The following AP1G1 variants were observed in gnomAD, a reference collection of about 807,000 sequenced individuals.
AP1G1 encodes AP-1 complex subunit gamma-1.
A neutral mutation model predicts 108.3 loss-of-function variants in AP1G1; 7 were observed. That is an observed-to-expected ratio of 0.06 (90% CI 0.04 to 0.12). The LOEUF (loss-of-function observed/expected upper bound fraction) is 0.12, where lower values mean the gene tolerates loss of function less well. Ranked by LOEUF, AP1G1 falls within the 10% of genes least tolerant of loss-of-function variation. The pLI is 1.00. For missense variants in AP1G1, 756 were observed against 1,010.7 expected, an observed-to-expected ratio of 0.75 and a Z score of 3.42; for synonymous variants, 379 against 353.5, an observed-to-expected ratio of 1.07 and a Z score of -0.81.
At chr16:71,799,457 AG>A (rs991300981) in intron 1 of AP1G1, among the ~76,000 whole-genome samples, 5 of 152,208 alleles carry the variant, frequency 3.3e-5, no homozygotes, top group African/African-American at 9.6e-5. Flanking sequence ...GACTGTTTAA[AG>A]GAACAAGATA....
In AP1G1 at chr16:71,804,299, G is replaced by A. The variant is rs190678761; in HGVS notation, c.-4+4464C>T. 3.3e-5 allele frequency among the ~76,000 whole-genome samples: 5 copies of A among 152,054 alleles called. No homozygotes were observed. In the East Asian group the frequency reaches 7.7e-4, roughly 24 times the overall value. On this transcript the variant is annotated intron_variant, in intron 1 of 22. Transcript: ENST00000299980. ...CTGACCTCGTGATCCACCCGCCTCG[G>A]CCTCCCAAAGTGCTGGGATTACAGG... is the stretch of plus-strand genomic sequence containing the variant.
At chr16:71,739,597 C>T (rs745888188) in intron 19 of AP1G1, among the ~76,000 whole-genome samples, 1 of 151,510 alleles carries the variant, frequency 6.6e-6, no homozygotes, top group African/African-American at 2.4e-5. Context: ...AAAAAAAATA[C>T]AAAAATTAGC....
At chr16:71,742,804 T>A (rs79036671) in intron 19 of AP1G1, 15,598 of 151,964 alleles carry the variant, frequency 0.1, 1,208 homozygotes, top group South Asian at 0.37. Flanking sequence ...ACCCCATCTC[T>A]AATAAAAAAA....
At chr16:71,788,241 T>C (rs2032279019) in intron 2 of AP1G1, among the ~76,000 whole-genome samples, 1 of 152,226 alleles carries the variant, frequency 6.6e-6, no homozygotes, top group African/African-American at 2.4e-5. Context: ...TTGCACATTC[T>C]TTCTTTCAGT....
At position 71,765,829 on chromosome 16, in the gene AP1G1, A is replaced by T. The variant is rs572314847; in HGVS notation, c.643-245T>A. The stretch of plus-strand genomic sequence containing the variant: ...ACTTTTTTATGCAAGAGTTATATGT[A>T]AAGATATTACAAATAATATTGGGTC... On this transcript the variant is annotated intron_variant, in intron 6 of 22. Coordinates refer to ENST00000299980, the MANE Select transcript of AP1G1 (RefSeq NM_001128.6). 1.9e-4 allele frequency among the ~76,000 whole-genome samples: 29 copies of T among 152,324 alleles called. No individual in the cohort carries two copies. In the South Asian group the frequency reaches 5.8e-3, roughly 30 times the overall value.
intron 3 of AP1G1, 97 bp downstream of exon 3, chr16:71,774,371 T>C: frequency 7.1e-7 from 1 of 1,400,226 alleles, no homozygotes; most frequent in South Asian, 1.3e-5. Context: ...GCCACTTCAC[T>C]CCAGCCTGGG....
intron 1 of AP1G1, among the ~76,000 whole-genome samples, chr16:71,798,048 G>A (rs2032648025): frequency 6.6e-6 from 1 of 152,184 alleles, no homozygotes; most frequent in South Asian, 2.1e-4. Flanking sequence ...GAAAGGTATA[G>A]GAACTATACG....
chr16:71,797,341 C>A (rs2032622774), intron 1 of AP1G1, among the ~76,000 whole-genome samples: 1 of 151,864 alleles, frequency 6.6e-6, no homozygotes, highest in South Asian at 2.1e-4. Flanking sequence ...AAGTAATGAG[C>A]ATGTAAAACT....
intron 2 of AP1G1, among the ~76,000 whole-genome samples, chr16:71,782,530 A>G (rs2145509567): frequency 6.6e-6 from 1 of 151,872 alleles, no homozygotes; most frequent in Admixed American, 6.6e-5. Flanking sequence ...TCTGTTGCCC[A>G]GGGTGGAGTG....
chr16:71,764,702 T>G lies in AP1G1; in HGVS notation c.763A>C (p.Ile255Leu). 3 of 1,611,846 alleles carry G rather than the reference T, an allele frequency of 1.9e-6. No individual in the cohort carries two copies. Among genetic ancestry groups the G allele is most frequent in the Non-Finnish European group, 2.5e-6 (3 of 1,179,392 alleles). The change falls in exon 8 of 23, where the codon ATT becomes CTT. Residue 255 changes from isoleucine (I) to leucine (L), a missense_variant. By Grantham distance (5) the Ile-to-Leu change is conservative (BLOSUM62 2). Around this residue, in one of 3 missense-constraint regions of AP1G1, gnomAD observed 304 missense variants for 483.6 expected, o/e 0.63. Coordinates refer to ENST00000299980, the MANE Select transcript of AP1G1 (RefSeq NM_001128.6). The part of the protein sequence containing the change: ...LQVRILRLLR[I>L]LGRNDDDSSE... ...GAATCATCATCATTTCGTCCTAAAA[T>G]TCTTAATAACCGCAAAATTCGTACC...
intron 4 of AP1G1, among the ~76,000 whole-genome samples, chr16:71,772,320 G>A (rs913570666): frequency 6.6e-5 from 10 of 152,066 alleles, no homozygotes; most frequent in South Asian, 2.1e-4. Context: ...TAGTAGAGAC[G>A]GGGTTTCACC....
Position 71,808,764 on chromosome 16 carries a change from G to A in AP1G1, c.-5C>T, listed in dbSNP as rs561410005. 24 of 1,289,594 alleles carry A rather than the reference G, an allele frequency of 1.9e-5. No individual in the cohort carries two copies. In the East Asian group the frequency reaches 7.2e-4, roughly 39 times the overall value. The allele number at this position is 1,289,594 out of a possible 1,614,324, so 79.9% of individuals were successfully genotyped here. Reference sequence around the variant, plus strand: ...CTCAGCGCCGGGAGTGACACTCACCGGCCCGAAACCTCGAATGAAACCAGC... The same window carrying A: ...CTCAGCGCCGGGAGTGACACTCACCAGCCCGAAACCTCGAATGAAACCAGC... On this transcript the variant is annotated splice_region_variant and 5_prime_UTR_variant, in exon 1 of 23. Coordinates refer to ENST00000299980, the MANE Select transcript of AP1G1 (RefSeq NM_001128.6).
At chr16:71,779,994 T>TC in intron 2 of AP1G1, among the ~76,000 whole-genome samples, 1 of 146,498 alleles carries the variant, frequency 6.8e-6, no homozygotes, top group African/African-American at 2.6e-5. Context: ...AGTTTTTTTT[T>TC]GTTTTTTTTT....
rs376889684 is a variant in AP1G1, at chr16:71,746,690, C to T, written c.1628G>A (p.Arg543Gln). The change falls in exon 17 of 23, where the codon CGA (arginine) becomes CAA (glutamine). Residue 543 changes from arginine to glutamine, a missense_variant and splice_region_variant. Around this residue, in one of 3 missense-constraint regions of AP1G1, gnomAD observed 357 missense variants for 366.5 expected, o/e 0.97. Coordinates refer to ENST00000299980, the MANE Select transcript of AP1G1 (RefSeq NM_001128.6). ...LSTRFTCTVN[R>Q]IKKVVSIYGS... ...GTAGATGGAAACCACTTTCTTAATT[C>T]GGCTATAGATAAAATGACAAACGAA... is the stretch of plus-strand genomic sequence containing the variant. The T allele has an allele frequency of 1.9e-5, 31 of 1,607,750 alleles. No individual in the cohort carries two copies. Among genetic ancestry groups the T allele is most frequent in the Non-Finnish European group, 2.5e-5 (29 of 1,176,422 alleles).
chr16:71,804,689 T>A (rs1021271527), intron 1 of AP1G1, among the ~76,000 whole-genome samples: 1 of 152,178 alleles, frequency 6.6e-6, no homozygotes, highest in African/African-American at 2.4e-5. Flanking sequence ...ATTACAGGCA[T>A]GAACCACTGC....
chr16:71,747,217 T>C (rs2030228084), intron 16 of AP1G1: 1 of 152,204 alleles, frequency 6.6e-6, no homozygotes, highest in Non-Finnish European at 1.5e-5. Flanking sequence ...GCCTTAAATA[T>C]GCTTGGGTGG....
chr16:71,790,446 G>A (rs1597082864), intron 1 of AP1G1, among the ~76,000 whole-genome samples: 1 of 150,190 alleles, frequency 6.7e-6, no homozygotes, highest in East Asian at 2.0e-4. Context: ...AGAATTGCTT[G>A]AACCCAGGAG....
intron 1 of AP1G1, among the ~76,000 whole-genome samples, chr16:71,796,722 C>T (rs2032598284): frequency 6.6e-6 from 1 of 152,124 alleles, no homozygotes; most frequent in Non-Finnish European, 1.5e-5. Flanking sequence ...TCTAAGAGGA[C>T]TTAAGTTCAA....
chr16:71,759,511 A>G (rs2030973290), intron 10 of AP1G1, among the ~76,000 whole-genome samples: 1 of 151,404 alleles, frequency 6.6e-6, no homozygotes, highest in Non-Finnish European at 1.5e-5. Context: ...CTATAATCCC[A>G]GCACTTTGGG....
Sources: allele counts gnomAD v4.1 joint callset (sites outside exome capture counted in the v4.1 genomes callset), GRCh38; gene constraint gnomAD v4.1.1; regional missense constraint gnomAD v4.1.1; transcripts MANE v1.5; gene names NCBI Gene and HGNC (gene_info 2026-07-23, HGNC 2026-07-21).